Variants in HDAC9 observed in about 807,000 individuals in gnomAD.
HDAC9 encodes the protein MEF-2 interacting transcription repressor (MITR) protein.
Under a neutral mutation model 139.4 loss-of-function variants are expected in HDAC9, and 41 were observed. The ratio of observed to expected loss-of-function variants is 0.29; its 90% confidence interval spans 0.23 to 0.38. The LOEUF is 0.38. Among genes scored for constraint, HDAC9 ranks in the 10% least tolerant of loss-of-function variants. The pLI is 1.00. For missense variants in HDAC9, 1,147 were observed against 1,297.0 expected, an observed-to-expected ratio of 0.88 and a Z score of 1.78; for synonymous variants, 517 against 476.2, an observed-to-expected ratio of 1.09 and a Z score of -1.12.
At chr7:18,518,630 A>G (rs189373731) in intron 2 of HDAC9, among the ~76,000 whole-genome samples, 5 of 152,308 alleles carry the variant, frequency 3.3e-5, no homozygotes. Flanking sequence ...CCAAATATAG[A>G]AAAGGTCGAG....
chr7:18,828,242 A>T (rs1257526177), intron 17 of HDAC9, among the ~76,000 whole-genome samples: 2 of 152,196 alleles, frequency 1.3e-5, no homozygotes, highest in African/African-American at 4.8e-5. Flanking sequence ...AAGTTTTAGG[A>T]TTGTGTATAA....
At chr7:18,874,150 G>A (rs1448185423) in intron 21 of HDAC9, among the ~76,000 whole-genome samples, 1 of 151,788 alleles carries the variant, frequency 6.6e-6, no homozygotes, top group Admixed American at 6.6e-5. Context: ...TCCCTTGGAA[G>A]AAGCAGTTTT....
At chr7:18,897,187 G>C (rs1326760526) in intron 22 of HDAC9, among the ~76,000 whole-genome samples, 1 of 151,854 alleles carries the variant, frequency 6.6e-6, no homozygotes, top group Non-Finnish European at 1.5e-5. Flanking sequence ...TGGTCTGACT[G>C]AATTTTTCAG....
intron 6 of HDAC9, among the ~76,000 whole-genome samples, chr7:18,600,966 G>A (rs376870454): frequency 3.3e-4 from 50 of 152,158 alleles, no homozygotes; most frequent in African/African-American, 1.2e-3. Context: ...AACATGCCTG[G>A]CTAATTTTTG....
At chr7:18,677,619 G>A (rs1008908602) in intron 12 of HDAC9, among the ~76,000 whole-genome samples, 2 of 151,940 alleles carry the variant, frequency 1.3e-5, no homozygotes, top group Admixed American at 6.6e-5. Flanking sequence ...CTATTACTCT[G>A]CGTTCTTGTT....
chr7:18,533,716 C>G (rs1809854369), intron 2 of HDAC9, among the ~76,000 whole-genome samples: 1 of 152,080 alleles, frequency 6.6e-6, no homozygotes, highest in South Asian at 2.1e-4. Flanking sequence ...TATTTAGATA[C>G]TCACTCGAAT....
intron 1 of HDAC9, among the ~76,000 whole-genome samples, chr7:18,137,753 G>C (rs1785539543): frequency 6.6e-6 from 1 of 152,056 alleles, no homozygotes; most frequent in Non-Finnish European, 1.5e-5. Flanking sequence ...CAAGGATATT[G>C]GTCTAAAATT....
At chr7:18,554,428 T>C (rs1263671549) in intron 2 of HDAC9, among the ~76,000 whole-genome samples, 2 of 144,144 alleles carry the variant, frequency 1.4e-5, no homozygotes, top group South Asian at 2.3e-4. Flanking sequence ...CTCCACCTCC[T>C]GGGTTCACGC....
Position 18,495,979 on chromosome 7 carries a change from CAG to C in HDAC9, c.-81_-80del. The C allele has an allele frequency of 7.7e-7, 1 of 1,290,462 alleles. No homozygotes were observed. Among genetic ancestry groups the C allele is most frequent in the Non-Finnish European group, 9.8e-7 (1 of 1,021,516 alleles). 79.9% of individuals were successfully genotyped at this position (1,290,462 alleles called of 1,614,324 possible). A position where few individuals can be genotyped will look rare whatever the true frequency, so the allele number is the denominator to read the frequency against. Reference sequence around the variant, plus strand: ...GTAGTTTCCGGGATAACCTAAACTCCAGAGAGCTATAGCATCCACTCTGTCCT... The same window carrying C: ...GTAGTTTCCGGGATAACCTAAACTCCAGAGCTATAGCATCCACTCTGTCCT... On this transcript the variant is annotated 5_prime_UTR_variant, in exon 1 of 26. Transcript: ENST00000686413.
intron 15 of HDAC9, among the ~76,000 whole-genome samples, chr7:18,766,164 G>A (rs1362568099): frequency 6.6e-6 from 1 of 152,132 alleles, no homozygotes. Context: ...TTGGAAATTT[G>A]TACCTGGTTC....
intron 16 of HDAC9, among the ~76,000 whole-genome samples, chr7:18,792,350 A>C (rs985580391): frequency 7.3e-5 from 11 of 151,410 alleles, no homozygotes; most frequent in African/African-American, 2.4e-4. Flanking sequence ...ACAGTCACAA[A>C]CTTTGTATTC....
intron 1 of HDAC9, among the ~76,000 whole-genome samples, chr7:18,399,737 G>A (rs1049201075): frequency 6.6e-6 from 1 of 152,176 alleles, no homozygotes; most frequent in Non-Finnish European, 1.5e-5. Context: ...GCTTTGCAGA[G>A]CATGATAGAG....
chr7:18,608,487 T>C (rs1836163926), intron 6 of HDAC9, among the ~76,000 whole-genome samples: 1 of 152,312 alleles, frequency 6.6e-6, no homozygotes, highest in Middle Eastern at 3.4e-3. Flanking sequence ...GATTCCTCCA[T>C]TATTTCCCAC....
In HDAC9 at chr7:18,306,774, A is replaced by G. The variant is rs560887187; in HGVS notation, c.-42+16259A>G. Among the ~76,000 whole-genome samples, 10 of 152,278 alleles carry G rather than the reference A, an allele frequency of 6.6e-5. No individual in the cohort carries two copies. The East Asian group carries it at 7.7e-4, about 12-fold the overall frequency. ...TTCAACTGTTTTTCAAGCTTCATCAATATTGCTGAATATAAATTCTTCACT... is the reference window on the plus strand; with the variant it reads ...TTCAACTGTTTTTCAAGCTTCATCAGTATTGCTGAATATAAATTCTTCACT... On this transcript the variant is annotated intron_variant, in intron 1 of 3. Coordinates refer to the HDAC9 transcript ENST00000413509.
intron 2 of HDAC9, chr7:18,578,127 C>A: frequency 1.9e-6 from 1 of 518,904 alleles, no homozygotes; most frequent in Non-Finnish European, 3.8e-6. Flanking sequence ...CTGCAGGGAA[C>A]TGTGGGTATT....
chr7:18,778,001 C>T (rs1182880100), intron 16 of HDAC9, among the ~76,000 whole-genome samples: 1 of 151,820 alleles, frequency 6.6e-6, no homozygotes, highest in African/African-American at 2.4e-5. Context: ...TCCTATTCTA[C>T]AGAAAAGGAA....
chr7:18,739,725 G>T (rs1787270986), intron 13 of HDAC9, among the ~76,000 whole-genome samples: 1 of 152,222 alleles, frequency 6.6e-6, no homozygotes, highest in Non-Finnish European at 1.5e-5. Flanking sequence ...TGGGTGTCAG[G>T]GACCCACTCG....
At chr7:18,930,576 T>C (rs1170270181) in intron 22 of HDAC9, among the ~76,000 whole-genome samples, 3 of 152,076 alleles carry the variant, frequency 2.0e-5, no homozygotes, top group East Asian at 1.9e-4. Context: ...GTTTCTAATA[T>C]GTACAGTAAC....
chr7:18,758,179 G>C (rs1043998678), intron 14 of HDAC9, among the ~76,000 whole-genome samples: 2 of 152,114 alleles, frequency 1.3e-5, no homozygotes, highest in Non-Finnish European at 2.9e-5. Context: ...TTTAAGACCC[G>C]TATTGACTCC....
Sources: gnomAD v4.1 joint callset for allele counts (sites outside exome capture counted in the v4.1 genomes callset) on GRCh38, gnomAD v4.1.1 for gene constraint, MANE v1.5 for transcripts, NCBI Gene and HGNC (gene_info 2026-07-23, HGNC 2026-07-21) for gene names.